The following SFMBT1 variants were observed in gnomAD, a reference collection of about 807,000 sequenced individuals.
The protein encoded by SFMBT1 is Scm like with four mbt domains 1.
In SFMBT1, 32 loss-of-function variants were observed where a neutral mutation model predicts 108.7. The ratio of observed to expected loss-of-function variants is 0.29; its 90% CI spans 0.22 to 0.40. The LOEUF (loss-of-function observed/expected upper bound fraction) is 0.40. Ranked by LOEUF, SFMBT1 falls within the 10% of genes least tolerant of loss-of-function variation. The pLI is 1.00. For missense variants in SFMBT1, 816 were observed against 1,059.6 expected (o/e 0.77, Z 3.19); for synonymous variants, 348 against 369.5 (o/e 0.94, Z 0.67).
chr3:53,021,510 G>C (rs182826474), intron 1 of SFMBT1, among the ~76,000 whole-genome samples: 1 of 152,302 alleles, frequency 6.6e-6, no homozygotes, highest in East Asian at 1.9e-4. Context: ...AAGACAACAA[G>C]TATCCATGGG....
At position 52,906,257 on chromosome 3, in the gene SFMBT1, C is replaced by A. The variant is rs372810642; in HGVS notation, c.2332-16G>T. Reference sequence around the variant, plus strand: ...TCCTTATTTCCTTCATTCCCCACAACACAATCAAACCAAATGGTGTTACGG... The same window carrying A: ...TCCTTATTTCCTTCATTCCCCACAAAACAATCAAACCAAATGGTGTTACGG... On this transcript the variant is annotated splice_polypyrimidine_tract_variant and intron_variant, in intron 19 of 20. Coordinates refer to ENST00000394752, the MANE Select transcript of SFMBT1 (RefSeq NM_016329.4). 7 of 1,613,798 alleles carry A rather than the reference C, an allele frequency of 4.3e-6. No individual in the cohort carries two copies. The highest frequency in any genetic ancestry group is 5.9e-6 in the Non-Finnish European group (7 of 1,179,860).
chr3:52,919,321 T>C (rs1702449793), intron 12 of SFMBT1, among the ~76,000 whole-genome samples: 3 of 152,310 alleles, frequency 2.0e-5, no homozygotes, highest in Non-Finnish European at 4.4e-5. Context: ...GTCAGATTTA[T>C]AGCATGGAAT....
At chr3:52,999,098 G>A (rs1698447082) in intron 1 of SFMBT1, among the ~76,000 whole-genome samples, 1 of 150,830 alleles carries the variant, frequency 6.6e-6, no homozygotes, top group African/African-American at 2.4e-5. Context: ...GCCTGCGCCG[G>A]CGTCTGCTGA....
In SFMBT1 at chr3:52,931,005, C is replaced by T; in HGVS notation, c.731G>A (p.Trp244Ter). ...AIRHLKNEAEWQEILAKVKEE... is the reference protein window; with the variant it reads ...AIRHLKNEAE ...TTTCACTTTGGCCAAAATCTCTTGC[C>T]ACTCAGCTTCATTTTTTAGATGTCT... The change falls in exon 7 of 21, where the codon TGG becomes TAG. Residue 244 changes from tryptophan to a stop codon, truncating the protein, a stop_gained. Transcript: ENST00000394752. LOFTEE classifies it high-confidence loss of function. 1 of 1,613,994 alleles carries T rather than the reference C, an allele frequency of 6.2e-7. No individual in the cohort carries two copies. Among genetic ancestry groups the T allele is most frequent in the Non-Finnish European group, 8.5e-7 (1 of 1,179,942 alleles).
chr3:52,948,297 C>T (rs1447141933), intron 3 of SFMBT1, among the ~76,000 whole-genome samples: 4 of 152,080 alleles, frequency 2.6e-5, no homozygotes, highest in Non-Finnish European at 5.9e-5. Flanking sequence ...TTCTGATTTA[C>T]TTTTCCTTAA....
chr3:52,948,825 ATT>A (rs71615878), intron 3 of SFMBT1, among the ~76,000 whole-genome samples: 31 of 78,302 alleles, frequency 4.0e-4, no homozygotes, highest in East Asian at 1.2e-3. Flanking sequence ...CTAATTTTTA[ATT>A]TTTTTTTTTT....
Position 52,943,468 on chromosome 3 carries a change from G to C in SFMBT1, c.249C>G (p.Arg83=). The C allele has an allele frequency of 3.7e-6, 6 of 1,614,172 alleles. No individual in the cohort carries two copies. Among genetic ancestry groups the C allele is most frequent in the Non-Finnish European group, 5.1e-6 (6 of 1,180,022 alleles). Residue 83 remains arginine, a synonymous_variant, in exon 4 of 21, where the codon CGC becomes CGG. Coordinates refer to ENST00000394752, the MANE Select transcript of SFMBT1 (RefSeq NM_016329.4). ...TCCGATCCTCCCCATAGCCATCATA[G>C]CGGAGAAGGAGCAACTGCTCACAGG... The part of the protein sequence containing the change: ...ITTCEQLLLL[R]YDGYGEDRRA...
At position 52,946,255 on chromosome 3, in the gene SFMBT1, T is replaced by A. The variant is rs144186866; in HGVS notation, c.124-2662A>T. ...AGACTATGAAGACATGACAAATAAATGCAATATGGCAACCACAGCCACTGG... is the reference window on the plus strand; with the variant it reads ...AGACTATGAAGACATGACAAATAAAAGCAATATGGCAACCACAGCCACTGG... On this transcript the variant is annotated intron_variant, in intron 3 of 20. Transcript: ENST00000394752. 6.5e-4 allele frequency among the ~76,000 whole-genome samples: 99 copies of A among 152,296 alleles called. 1 individual carries two copies. Among genetic ancestry groups the A allele is most frequent in the African/African-American group, 2.3e-3 (96 of 41,570 alleles).
intron 1 of SFMBT1, among the ~76,000 whole-genome samples, chr3:52,986,249 G>C (rs1704912274): frequency 6.6e-6 from 1 of 152,118 alleles, no homozygotes; most frequent in African/African-American, 2.4e-5. Flanking sequence ...TCAGTCAGTG[G>C]TGAGTGAATG....
chr3:52,986,188 G>A (rs765646114), intron 1 of SFMBT1, among the ~76,000 whole-genome samples: 1 of 151,762 alleles, frequency 6.6e-6, no homozygotes, highest in Non-Finnish European at 1.5e-5. Context: ...ACTTATATAG[G>A]GCACTTATCA....
At chr3:52,922,989 T>A (rs1035031741) in intron 10 of SFMBT1, among the ~76,000 whole-genome samples, 2 of 152,134 alleles carry the variant, frequency 1.3e-5, no homozygotes, top group African/African-American at 4.8e-5. Context: ...CCCCAACAAA[T>A]GGCCAATCAG....
Position 52,912,667 on chromosome 3 carries a change from A to C in SFMBT1, c.1621-20T>G, listed in dbSNP as rs757567610. On this transcript the variant is annotated intron_variant, in intron 15 of 20. Coordinates refer to ENST00000394752, the MANE Select transcript of SFMBT1 (RefSeq NM_016329.4). ...GAGGACCTGAGCTCAGTTTTAAAGC[A>C]GAAACACAGATTGGGAAGGAGAAAA... The C allele has an allele frequency of 6.4e-7, 1 of 1,561,248 alleles. No homozygotes were observed. Among genetic ancestry groups the C allele is most frequent in the South Asian group, 1.1e-5 (1 of 90,042 alleles).
At chr3:52,993,203 TC>T (rs1334779085) in intron 1 of SFMBT1, among the ~76,000 whole-genome samples, 1 of 150,444 alleles carries the variant, frequency 6.6e-6, no homozygotes, top group Non-Finnish European at 1.5e-5. Flanking sequence ...TTCAACCAAA[TC>T]CCTATAAAAA....
chr3:52,920,504 A>G, intron 12 of SFMBT1, 33 bp downstream of exon 12: 1 of 1,491,848 alleles, frequency 6.7e-7, no homozygotes, highest in Non-Finnish European at 9.3e-7. Flanking sequence ...ATTATTTAAC[A>G]ATCAATCCTC....
intron 9 of SFMBT1, among the ~76,000 whole-genome samples, chr3:52,926,944 T>A (rs577212554): frequency 6.6e-6 from 1 of 152,284 alleles, no homozygotes; most frequent in African/African-American, 2.4e-5. Flanking sequence ...CCAACCTCAA[T>A]GCCTGACAGT....
intron 12 of SFMBT1, among the ~76,000 whole-genome samples, chr3:52,919,544 G>A (rs532432256): frequency 3.3e-5 from 5 of 152,300 alleles, no homozygotes; most frequent in Non-Finnish European, 4.4e-5. Flanking sequence ...GTTTCTTTCT[G>A]AAATGATGAA....
intron 1 of SFMBT1, chr3:53,045,383 G>C (rs1700196174): frequency 1.4e-5 from 2 of 143,390 alleles, no homozygotes; most frequent in Admixed American, 1.4e-4. Flanking sequence ...GGCGCGCGCG[G>C]GGAGGGGCGC....
In SFMBT1 at chr3:52,996,930, G is replaced by A. The variant is rs1026487368; in HGVS notation, c.-130-27672C>T. ...TAAAAATACAAAAAATTAGCCGGGC[G>A]TAGTGGCGGTCGCCTGCAGTCCCAG... On this transcript the variant is annotated intron_variant, in intron 1 of 20. Transcript: ENST00000394752. 6.0e-5 allele frequency among the ~76,000 whole-genome samples: 9 copies of A among 149,632 alleles called. 1 individual carries two copies. The highest frequency in any genetic ancestry group is 1.2e-4 in the Non-Finnish European group (8 of 66,790).
chr3:52,943,427 C>T lies in SFMBT1; in HGVS notation c.290G>A (p.Cys97Tyr). Reference sequence around the variant, plus strand: ...GTAGAGATCAGCCTTCCTGATGTCACACCAGAAATCTGCTCTCCGATCCTC... The same window carrying T: ...GTAGAGATCAGCCTTCCTGATGTCATACCAGAAATCTGCTCTCCGATCCTC... ...YGEDRRADFWCDIRKADLYPI... is the reference protein window; with the variant it reads ...YGEDRRADFWYDIRKADLYPI... The change falls in exon 4 of 21, where the codon TGT becomes TAT. Residue 97 changes from cysteine (C) to tyrosine (Y), a missense_variant. Cys to Tyr is a radical substitution (Grantham distance 194). Around this residue, in one of 5 missense-constraint regions of SFMBT1, gnomAD observed 495 missense variants for 607.4 expected, o/e 0.81. Transcript: ENST00000394752. 6.2e-7 allele frequency: 1 copy of T among 1,614,208 alleles called. No homozygotes were observed. Among genetic ancestry groups the T allele is most frequent in the South Asian group, 1.1e-5 (1 of 91,082 alleles).
Sources: gnomAD v4.1 joint callset for allele counts (sites outside exome capture counted in the v4.1 genomes callset) on GRCh38, gnomAD v4.1.1 for gene constraint, gnomAD v4.1.1 regional missense constraint, MANE v1.5 for transcripts, NCBI Gene and HGNC (gene_info 2026-07-23, HGNC 2026-07-21) for gene names.